The following SPHKAP variants were observed in gnomAD, a reference collection of about 807,000 sequenced individuals.
The protein encoded by SPHKAP is SPHK1 interactor, AKAP domain containing, also known as A-kinase anchor protein SPHKAP.
Under a neutral mutation model 137.5 loss-of-function variants are expected in SPHKAP, and 67 were observed. That is an observed-to-expected ratio of 0.49 (90% CI 0.40 to 0.60). SPHKAP has a LOEUF of 0.60. SPHKAP is among the 20% of genes least tolerant of loss of function. SPHKAP has a pLI of 0.00. For missense variants in SPHKAP, 2,097 were observed against 2,069.3 expected (o/e 1.01, Z -0.26); for synonymous variants, 813 against 785.3 (o/e 1.04, Z -0.59).
intron 3 of SPHKAP, among the ~76,000 whole-genome samples, chr2:228,062,447 G>A (rs1319609451): frequency 2.0e-5 from 3 of 152,034 alleles, no homozygotes; most frequent in African/African-American, 7.2e-5. Context: ...CCTCTTTAAT[G>A]TTGCATGTAC....
intron 3 of SPHKAP, among the ~76,000 whole-genome samples, chr2:228,105,045 T>C (rs1698297190): frequency 6.6e-6 from 1 of 152,214 alleles, no homozygotes. Flanking sequence ...CATAGCTAAC[T>C]GCAGCCTTGA....
chr2:228,105,749 C>T (rs562439667), intron 3 of SPHKAP, among the ~76,000 whole-genome samples: 1 of 152,214 alleles, frequency 6.6e-6, no homozygotes, highest in African/African-American at 2.4e-5. Flanking sequence ...TCCCCTTTTG[C>T]TTGGTTCTCA....
intron 3 of SPHKAP, among the ~76,000 whole-genome samples, chr2:228,052,577 A>G (rs1044734281): frequency 6.6e-6 from 1 of 152,196 alleles, no homozygotes; most frequent in African/African-American, 2.4e-5. Context: ...GCAACCTGGA[A>G]GTCTATACGA....
intron 11 of SPHKAP, among the ~76,000 whole-genome samples, chr2:227,988,358 AT>A (rs1693291957): frequency 6.6e-6 from 1 of 152,210 alleles, no homozygotes; most frequent in South Asian, 2.1e-4. Context: ...GTGAAATATC[AT>A]TTAATATCCT....
chr2:228,003,021 T>C (rs534404343), intron 7 of SPHKAP, among the ~76,000 whole-genome samples: 19 of 152,318 alleles, frequency 1.2e-4, no homozygotes, highest in African/African-American at 4.3e-4. Flanking sequence ...AGCTTTGTTC[T>C]TTTGGCTTAG....
At chr2:228,110,498 G>A (rs1357049343) in intron 2 of SPHKAP, among the ~76,000 whole-genome samples, 1 of 152,078 alleles carries the variant, frequency 6.6e-6, no homozygotes, top group East Asian at 1.9e-4. Flanking sequence ...CGTTGGCTAG[G>A]GAACCTCTCA....
chr2:228,070,703 C>T (rs1040572954), intron 3 of SPHKAP, among the ~76,000 whole-genome samples: 3 of 152,042 alleles, frequency 2.0e-5, no homozygotes, highest in Admixed American at 2.0e-4. Flanking sequence ...GGCTCAATGG[C>T]TTTTACAGCT....
chr2:228,158,103 A>T (rs1343964403), intron 1 of SPHKAP, among the ~76,000 whole-genome samples: 7 of 152,098 alleles, frequency 4.6e-5, no homozygotes, highest in African/African-American at 1.7e-4. Context: ...TTCTTCCATG[A>T]CTGTGCACTC....
At chr2:227,992,186 T>C (rs1693437583) in intron 9 of SPHKAP, among the ~76,000 whole-genome samples, 1 of 152,216 alleles carries the variant, frequency 6.6e-6, no homozygotes, top group Admixed American at 6.5e-5. Flanking sequence ...CCCTCAAAAA[T>C]GTGTTGTTTG....
At chr2:228,131,245 A>AT (rs1489719666) in intron 2 of SPHKAP, 1 of 963,574 alleles carries the variant, frequency 1.0e-6, no homozygotes, top group African/African-American at 1.8e-5. Context: ...ATAATTTAAT[A>AT]TTTTTGCAAT....
At chr2:228,027,681 T>A (rs1427250102) in intron 3 of SPHKAP, 138 bp from the exon 4 acceptor site, 15 of 877,146 alleles carry the variant, frequency 1.7e-5, no homozygotes, top group African/African-American at 5.0e-5. Context: ...GAAATAGTCA[T>A]TTCAGGGCGG....
intron 1 of SPHKAP, among the ~76,000 whole-genome samples, chr2:228,144,804 T>C (rs1242133259): frequency 6.6e-6 from 1 of 152,182 alleles, no homozygotes; most frequent in African/African-American, 2.4e-5. Flanking sequence ...GATGATGAGT[T>C]GTCATGGGTC....
intron 2 of SPHKAP, among the ~76,000 whole-genome samples, chr2:228,127,156 C>G (rs1007197329): frequency 6.6e-6 from 1 of 152,160 alleles, no homozygotes; most frequent in East Asian, 1.9e-4. Flanking sequence ...ATCAGGACAG[C>G]CTTGCTACTT....
chr2:228,129,613 C>T (rs1699183000), intron 2 of SPHKAP, among the ~76,000 whole-genome samples: 1 of 151,770 alleles, frequency 6.6e-6, no homozygotes. Context: ...TTCAATTTCC[C>T]AGTAGTTATT....
At chr2:228,166,256 ATTGT>A (rs1238667382) in intron 1 of SPHKAP, among the ~76,000 whole-genome samples, 1 of 152,208 alleles carries the variant, frequency 6.6e-6, no homozygotes, top group African/African-American at 2.4e-5. Context: ...CACCTAATTC[ATTGT>A]TTATTACATA....
chr2:228,148,833 A>G (rs144199564), intron 1 of SPHKAP, among the ~76,000 whole-genome samples: 53 of 152,296 alleles, frequency 3.5e-4, no homozygotes, highest in African/African-American at 1.1e-3. Flanking sequence ...AAGAAACACA[A>G]GTTTTAGTAT....
intron 3 of SPHKAP, among the ~76,000 whole-genome samples, chr2:228,052,867 G>C (rs1329882856): frequency 6.6e-6 from 1 of 152,104 alleles, no homozygotes; most frequent in African/African-American, 2.4e-5. Flanking sequence ...CCTGAGTGGT[G>C]CTTGTTAACT....
chr2:228,084,841 A>G (rs777758182), intron 3 of SPHKAP, among the ~76,000 whole-genome samples: 6 of 152,202 alleles, frequency 3.9e-5, no homozygotes, highest in African/African-American at 1.4e-4. Context: ...TTGCAGACAA[A>G]TTTACCAAAG....
intron 3 of SPHKAP, among the ~76,000 whole-genome samples, chr2:228,076,864 G>T (rs150740851): frequency 3.3e-5 from 5 of 152,284 alleles, no homozygotes; most frequent in African/African-American, 1.2e-4. Context: ...TGTCTCCAGG[G>T]CATGTCAGAG....
Sources: gnomAD v4.1 joint callset for allele counts (sites outside exome capture counted in the v4.1 genomes callset) on GRCh38, gnomAD v4.1.1 for gene constraint, MANE v1.5 for transcripts, NCBI Gene and HGNC (gene_info 2026-07-23, HGNC 2026-07-21) for gene names.